Variants in ARHGEF28 observed in about 807,000 individuals in gnomAD.
ARHGEF28 encodes 190 kDa guanine nucleotide exchange factor.
ARHGEF28 carries 152 observed loss-of-function variants against 206.6 expected under a neutral mutation model. The ratio of observed to expected loss-of-function variants is 0.74; its 90% CI spans 0.64 to 0.84. ARHGEF28 has a LOEUF of 0.84. Among genes scored for constraint, ARHGEF28 ranks in the 40% least tolerant of loss-of-function variants. ARHGEF28 has a pLI of 0.00. For synonymous variants in ARHGEF28, 763 were observed against 776.4 expected, an observed-to-expected ratio of 0.98 and a Z score of 0.29; for missense variants, 2,028 against 2,073.2, an observed-to-expected ratio of 0.98 and a Z score of 0.42.
chr5:73,694,402 C>T (rs1358859764), intron 2 of ARHGEF28, among the ~76,000 whole-genome samples: 1 of 152,184 alleles, frequency 6.6e-6, no homozygotes, highest in African/African-American at 2.4e-5. Context: ...ACAGCTCCCA[C>T]AATTTGGGTG....
At chr5:73,719,222 C>T (rs568770234) in intron 2 of ARHGEF28, among the ~76,000 whole-genome samples, 1 of 152,058 alleles carries the variant, frequency 6.6e-6, no homozygotes, top group Non-Finnish European at 1.5e-5. Context: ...TCCACAAAAG[C>T]GACCATGATC....
intron 10 of ARHGEF28, among the ~76,000 whole-genome samples, chr5:73,835,638 G>T (rs1277853710): frequency 6.6e-6 from 1 of 152,092 alleles, no homozygotes; most frequent in African/African-American, 2.4e-5. Context: ...TGTATCTTTT[G>T]TAATATTCAC....
chr5:73,864,528 A>G (rs569013805), intron 16 of ARHGEF28, among the ~76,000 whole-genome samples: 1 of 152,354 alleles, frequency 6.6e-6, no homozygotes, highest in Admixed American at 6.5e-5. Context: ...GAGACACAGA[A>G]GCATTGCAGA....
At chr5:73,869,242 CATGT>C (rs2112635806) in intron 20 of ARHGEF28, among the ~76,000 whole-genome samples, 1 of 142,938 alleles carries the variant, frequency 7.0e-6, no homozygotes, top group African/African-American at 2.7e-5. Flanking sequence ...TGGGGAAGGG[CATGT>C]ATGTATGTGT....
At chr5:73,686,675 G>A (rs1008817686) in intron 2 of ARHGEF28, among the ~76,000 whole-genome samples, 1 of 151,450 alleles carries the variant, frequency 6.6e-6, no homozygotes, top group Non-Finnish European at 1.5e-5. Context: ...CCGCCACCAC[G>A]CCCGGCAAAT....
Position 73,719,637 on chromosome 5 carries a change from G to A in ARHGEF28, c.34-30200G>A, listed in dbSNP as rs75775580. Among the ~76,000 whole-genome samples, 921 of 152,196 alleles carry A rather than the reference G, an allele frequency of 6.1e-3. 4 individuals are homozygous for A. The highest frequency in any genetic ancestry group is 0.021 in the African/African-American group (858 of 41,524). ...GGATGTTTCAGGCTGACAAAAGAAA[G>A]CTCCCATACACAAAATGAGAAAGAA... is the stretch of plus-strand genomic sequence containing the variant. On this transcript the variant is annotated intron_variant, in intron 2 of 35. Transcript: ENST00000513042.
chr5:73,676,913 G>C (rs980627022), intron 1 of ARHGEF28, among the ~76,000 whole-genome samples: 2 of 152,150 alleles, frequency 1.3e-5, no homozygotes, highest in Non-Finnish European at 2.9e-5. Context: ...CTCATCGAAC[G>C]ATAGCTTCAT....
At chr5:73,856,040 C>A (rs1759011231) in intron 14 of ARHGEF28, among the ~76,000 whole-genome samples, 4 of 152,140 alleles carry the variant, frequency 2.6e-5, no homozygotes, top group Admixed American at 1.3e-4. Context: ...CGTTGGATAG[C>A]ATTTGGTGGG....
intron 20 of ARHGEF28, among the ~76,000 whole-genome samples, chr5:73,869,315 C>T (rs906895743): frequency 1.4e-4 from 21 of 151,914 alleles, no homozygotes; most frequent in East Asian, 3.9e-4. Flanking sequence ...AGTACTTAGA[C>T]GCTGCTTTGT....
chr5:73,848,526 C>A (rs1758505259), intron 12 of ARHGEF28, among the ~76,000 whole-genome samples: 1 of 152,134 alleles, frequency 6.6e-6, no homozygotes, highest in Admixed American at 6.5e-5. Flanking sequence ...GTCTAAAAAT[C>A]TCTTATAATT....
chr5:73,797,730 A>G (rs1157700572), intron 9 of ARHGEF28, among the ~76,000 whole-genome samples: 1 of 152,190 alleles, frequency 6.6e-6, no homozygotes, highest in Non-Finnish European at 1.5e-5. Context: ...TCTCTGAGGA[A>G]ATGCTGATAA....
chr5:73,888,818 C>T (rs1416739806), intron 26 of ARHGEF28, among the ~76,000 whole-genome samples: 1 of 152,052 alleles, frequency 6.6e-6, no homozygotes, highest in Admixed American at 6.6e-5. Context: ...CAACATTTAC[C>T]ATTAAGTGAG....
rs369437138 is a variant in ARHGEF28, at chr5:73,849,003, C to T, written c.1663C>T (p.Arg555Cys). 149 of 1,574,518 alleles carry T rather than the reference C, an allele frequency of 9.5e-5. 1 individual carries two copies. The Middle Eastern group carries it at 9.9e-4, about 11-fold the overall frequency. Residue 555 changes from arginine to cysteine, a missense_variant, in exon 13 of 36, where the codon CGT becomes TGT. This residue lies in a region of ARHGEF28 where 1,002 missense variants were observed against 1,015.3 expected (regional missense o/e 0.99). Coordinates refer to ENST00000513042, the MANE Select transcript of ARHGEF28 (RefSeq NM_001177693.2). ...KESLLSGVRS[R>C]SYSCSSPKIS... ...ATCACTGCTTTCTGGAGTTCGCTCACGTTCTTATTCTTGCTCATCACCCAA... is the reference window on the plus strand; with the variant it reads ...ATCACTGCTTTCTGGAGTTCGCTCATGTTCTTATTCTTGCTCATCACCCAA...
chr5:73,718,988 C>T (rs1561355088), intron 2 of ARHGEF28, among the ~76,000 whole-genome samples: 1 of 152,184 alleles, frequency 6.6e-6, no homozygotes. Flanking sequence ...CACAGAGAGT[C>T]AGCTGCCACT....
chr5:73,691,678 T>C (rs1747840885), intron 2 of ARHGEF28, among the ~76,000 whole-genome samples: 2 of 152,246 alleles, frequency 1.3e-5, no homozygotes, highest in South Asian at 4.1e-4. Context: ...CAAGCTTTAG[T>C]AGAAGGATCA....
chr5:73,683,380 A>G (rs559048736), intron 1 of ARHGEF28, among the ~76,000 whole-genome samples: 11 of 152,000 alleles, frequency 7.2e-5, no homozygotes, highest in Non-Finnish European at 1.5e-4. Flanking sequence ...GGCAACTACC[A>G]ATCATTTTTT....
intron 16 of ARHGEF28, among the ~76,000 whole-genome samples, chr5:73,862,860 TA>T (rs35766981): frequency 0.3 from 44,163 of 145,594 alleles, 7,424 homozygotes; most frequent in Admixed American, 0.41. Context: ...TTTGTTTCTT[TA>T]AAAAAAAAAA....
intron 29 of ARHGEF28, among the ~76,000 whole-genome samples, chr5:73,897,273 C>T (rs1762012345): frequency 6.6e-6 from 1 of 152,200 alleles, no homozygotes. Flanking sequence ...GAGTGCTGAT[C>T]ACATGCTTCT....
In ARHGEF28 at chr5:73,891,668, G is replaced by T. The variant is rs1452063919; in HGVS notation, c.3388-384G>T. 2.0e-5 allele frequency among the ~76,000 whole-genome samples: 3 copies of T among 151,892 alleles called. No individual in the cohort carries two copies. In the East Asian group the frequency reaches 5.8e-4, roughly 29 times the overall value. ...GCCTCCCAAGCAGCTGAGACTACAG[G>T]CGCACACCAGCACATCTGGCTAATT... On this transcript the variant is annotated intron_variant, in intron 26 of 35. Coordinates refer to ENST00000513042, the MANE Select transcript of ARHGEF28 (RefSeq NM_001177693.2).
Sources: allele counts gnomAD v4.1 joint callset (sites outside exome capture counted in the v4.1 genomes callset), GRCh38; gene constraint gnomAD v4.1.1; regional missense constraint gnomAD v4.1.1; transcripts MANE v1.5; gene names NCBI Gene and HGNC (gene_info 2026-07-23, HGNC 2026-07-21).